Variants in ADAMTS13 observed in about 807,000 individuals in gnomAD.
ADAMTS13 encodes ADAM metallopeptidase with thrombospondin type 1 motif 13.
A neutral mutation model predicts 155.1 loss-of-function variants in ADAMTS13; 110 were observed. That is an observed-to-expected ratio of 0.71 (90% CI 0.61 to 0.83). The LOEUF (loss-of-function observed/expected upper bound fraction) is 0.83. Among genes scored for constraint, ADAMTS13 ranks in the 40% least tolerant of loss-of-function variants. ADAMTS13 has a pLI of 0.00. For missense variants in ADAMTS13, 1,707 were observed against 1,891.7 expected (o/e 0.90, Z 1.81); for synonymous variants, 758 against 756.4 (o/e 1.00, Z -0.03).
chr9:133,442,293 G>C (rs782326737), intron 16 of ADAMTS13, 106 bp from the exon 17 acceptor site: 1 of 1,567,062 alleles, frequency 6.4e-7, no homozygotes, highest in Non-Finnish European at 8.8e-7. Flanking sequence ...CTGAACGAAA[G>C]ATTATAGGGA....
Position 133,455,324 on chromosome 9 carries a change from G to T in ADAMTS13, c.3289G>T (p.Asp1097Tyr). ...SCGDGIQRRRDTCLGPQAQAP... is the reference protein window; with the variant it reads ...SCGDGIQRRRYTCLGPQAQAP... The stretch of plus-strand genomic sequence containing the variant: ...TGGGGATGGCATCCAGCGCCGGCGT[G>T]ACACCTGCCTCGGACCCCAGGCCCA... Residue 1097 changes from aspartate (D) to tyrosine (Y), a missense_variant, in exon 25 of 29, where the codon GAC (aspartate) becomes TAC (tyrosine). Physicochemically the swap from Asp to Tyr is radical, Grantham distance 160. Coordinates refer to ENST00000355699, the MANE Select transcript of ADAMTS13 (RefSeq NM_139027.6). The T allele has an allele frequency of 6.2e-7, 1 of 1,607,502 alleles. No homozygotes were observed. Among genetic ancestry groups the T allele is most frequent in the Non-Finnish European group, 8.5e-7 (1 of 1,179,984 alleles).
intron 11 of ADAMTS13, among the ~76,000 whole-genome samples, chr9:133,435,667 C>A (rs944577698): frequency 2.0e-5 from 3 of 151,134 alleles, no homozygotes; most frequent in East Asian, 3.9e-4. Flanking sequence ...ATAGCTGGGA[C>A]TACAGACGCC....
chr9:133,437,291 C>T (rs587607360), intron 12 of ADAMTS13, among the ~76,000 whole-genome samples: 32 of 152,292 alleles, frequency 2.1e-4, no homozygotes, highest in African/African-American at 7.7e-4. Context: ...GAGTCTTGCT[C>T]TGTCGCCCAG....
chr9:133,433,296 G>A, intron 9 of ADAMTS13, 82 bp from the exon 10 acceptor site: 2 of 1,585,350 alleles, frequency 1.3e-6, no homozygotes, highest in Non-Finnish European at 1.7e-6. Context: ...CCCTGAGGAT[G>A]TTGGGGGACT....
rs782114185 is a variant in ADAMTS13 at position 133,440,572 on chromosome 9, G to A, written c.1968+47G>A. 1 of 1,520,096 alleles carries A rather than the reference G, an allele frequency of 6.6e-7. No homozygotes were observed. The highest frequency in any genetic ancestry group is 8.8e-7 in the Non-Finnish European group (1 of 1,129,976). 94.2% of individuals were successfully genotyped at this position (1,520,096 alleles called of 1,614,324 possible). A position where few individuals can be genotyped will look rare whatever the true frequency, so the allele number is the denominator to read the frequency against. On this transcript the variant is annotated intron_variant, in intron 16 of 28. Transcript: ENST00000355699. The surrounding 1 kb of genome is among the most constrained non-coding windows in gnomAD (Gnocchi z 4.3). Reference sequence around the variant, plus strand: ...AGGCCAGTGGGGGCTTCTTCTTGGGGGCTATGGCTGCTTGCTCGTTTGTCT... The same window carrying A: ...AGGCCAGTGGGGGCTTCTTCTTGGGAGCTATGGCTGCTTGCTCGTTTGTCT...
At chr9:133,455,558 C>A in intron 25 of ADAMTS13, 123 bp downstream of exon 25, 1 of 1,608,824 alleles carries the variant, frequency 6.2e-7, no homozygotes, top group Non-Finnish European at 8.5e-7. Flanking sequence ...GGCTCCCCAG[C>A]CTCGGCGGCT....
Position 133,425,422 on chromosome 9 carries a change from GT to G in ADAMTS13, c.331-106del. The G allele has an allele frequency of 1.1e-6, 1 of 915,922 alleles. No homozygotes were observed. The highest frequency in any genetic ancestry group is 1.7e-6 in the Non-Finnish European group (1 of 588,764). 56.7% of individuals were successfully genotyped at this position (915,922 alleles called of 1,614,324 possible). On this transcript the variant is annotated intron_variant, in intron 3 of 28. Coordinates refer to ENST00000355699, the MANE Select transcript of ADAMTS13 (RefSeq NM_139027.6). The surrounding 1 kb of genome is among the most constrained non-coding windows in gnomAD (Gnocchi z 4.6). The stretch of plus-strand genomic sequence containing the variant: ...CCCGGTTCCCACACATGCTGGTGGA[GT>G]AGCCTCTCCAGCTCTTCACACTCCG...
intron 24 of ADAMTS13, 51 bp downstream of exon 24, chr9:133,454,670 C>T: frequency 6.5e-7 from 1 of 1,541,956 alleles, no homozygotes; most frequent in Non-Finnish European, 8.7e-7. Context: ...TGGGCATCAG[C>T]TGTGGCTCCT....
rs1554792464 is a variant in ADAMTS13, at chr9:133,445,849, C to G, written c.2731+30C>G. On this transcript the variant is annotated intron_variant, in intron 21 of 28. Coordinates refer to ENST00000355699, the MANE Select transcript of ADAMTS13 (RefSeq NM_139027.6). This position sits in a 1 kb window ranked among gnomAD's most constrained non-coding sequence, Gnocchi z 5.0. ...GGGCCCCCGGGATGCTCCTGGGGAC[C>G]AGCACTCATGGTAACTCTCCTGTCC... 1.9e-6 allele frequency: 3 copies of G among 1,544,908 alleles called. No homozygotes were observed. The highest frequency in any genetic ancestry group is 2.7e-5 in the African/African-American group (2 of 73,292).
chr9:133,446,411 T>C (rs587595633), intron 21 of ADAMTS13, among the ~76,000 whole-genome samples: 3 of 152,350 alleles, frequency 2.0e-5, no homozygotes, highest in South Asian at 2.1e-4. Flanking sequence ...TCTAGGGACC[T>C]TGTAGAAGTG....
chr9:133,458,178 A>G (rs1166734838), intron 28 of ADAMTS13, 84 bp downstream of exon 28: 18 of 1,485,864 alleles, frequency 1.2e-5, no homozygotes, highest in Non-Finnish European at 1.6e-5. Flanking sequence ...CCTTCAGTTT[A>G]TTTCAGACTA....
chr9:133,431,812 AC>A (rs1417363406), intron 8 of ADAMTS13, among the ~76,000 whole-genome samples: 1 of 151,688 alleles, frequency 6.6e-6, no homozygotes, highest in Admixed American at 6.6e-5. Context: ...CTGCCACCAC[AC>A]CCGGCTAATT....
chr9:133,428,832 G>T, intron 7 of ADAMTS13, 61 bp downstream of exon 7: 1 of 1,223,934 alleles, frequency 8.2e-7, no homozygotes. Flanking sequence ...GGCCGCCAGC[G>T]CCACCTCTCT....
rs3094373 is a variant in ADAMTS13, at chr9:133,458,704, A to T, written c.3910-270A>T. On this transcript the variant is annotated intron_variant, in intron 28 of 28. Transcript: ENST00000355699. ...ACCCTGCACCCTCCCCGAGGTTTCA[A>T]GTGTCCTGGGAGAACTGTGTTCTGC... is the stretch of plus-strand genomic sequence containing the variant. 0.97 allele frequency among the ~76,000 whole-genome samples: 146,909 copies of T among 152,226 alleles called. 70,927 individuals carry two copies. Among genetic ancestry groups the T allele is most frequent in the East Asian group, 1 (5,179 of 5,182 alleles).
intron 11 of ADAMTS13, among the ~76,000 whole-genome samples, chr9:133,435,161 A>G (rs1187846338): frequency 6.7e-6 from 1 of 149,976 alleles, no homozygotes; most frequent in Non-Finnish European, 1.5e-5. Context: ...ACTGGATCGT[A>G]TGGGAATTGT....
At chr9:133,446,745 T>C (rs1243635089) in intron 21 of ADAMTS13, among the ~76,000 whole-genome samples, 2 of 152,272 alleles carry the variant, frequency 1.3e-5, no homozygotes, top group African/African-American at 2.4e-5. Context: ...TTTGTGGAAC[T>C]GCTGGACTGT....
Position 133,425,724 on chromosome 9 carries a change from G to T in ADAMTS13, c.414+112G>T. The T allele has an allele frequency of 7.1e-7, 1 of 1,414,012 alleles. No homozygotes were observed. Among genetic ancestry groups the T allele is most frequent in the South Asian group, 1.2e-5 (1 of 81,442 alleles). The allele number at this position is 1,414,012 out of a possible 1,614,324, so 87.6% of individuals were successfully genotyped here. ...GATGCCCCAAGCAGCATGGATCACA[G>T]AATGCATTCAGCCAGACAGACCAGC... On this transcript the variant is annotated intron_variant, in intron 4 of 28. Coordinates refer to ENST00000355699, the MANE Select transcript of ADAMTS13 (RefSeq NM_139027.6). The surrounding 1 kb of genome is among the most constrained non-coding windows in gnomAD (Gnocchi z 4.6).
Position 133,425,002 on chromosome 9 carries a change from A to G in ADAMTS13, c.330+524A>G, listed in dbSNP as rs1840187756. On this transcript the variant is annotated intron_variant, in intron 3 of 28. Transcript: ENST00000355699. This position sits in a 1 kb window ranked among gnomAD's most constrained non-coding sequence, Gnocchi z 4.6. Reference sequence around the variant, plus strand: ...GAAAGCTGGGGAAGGGCGGGCAGGGAAGCACTCCCCCACTAGCCGCCGTCT... The same window carrying G: ...GAAAGCTGGGGAAGGGCGGGCAGGGGAGCACTCCCCCACTAGCCGCCGTCT... 6.6e-6 allele frequency among the ~76,000 whole-genome samples: 1 copy of G among 152,116 alleles called. No homozygotes were observed. Among genetic ancestry groups the G allele is most frequent in the African/African-American group, 2.4e-5 (1 of 41,430 alleles).
intron 25 of ADAMTS13, chr9:133,455,776 C>A: frequency 1.1e-6 from 1 of 942,972 alleles, no homozygotes; most frequent in Non-Finnish European, 1.6e-6. Flanking sequence ...CCTTTTACTA[C>A]TATCAAGGGG....
Sources: allele counts gnomAD v4.1 joint callset (sites outside exome capture counted in the v4.1 genomes callset), GRCh38; gene constraint gnomAD v4.1.1; non-coding constraint Gnocchi (gnomAD v3.1); transcripts MANE v1.5; gene names NCBI Gene and HGNC (gene_info 2026-07-23, HGNC 2026-07-21).